Variants in EPHA6 observed in about 807,000 individuals in gnomAD.
The protein encoded by EPHA6 is ephrin type-A receptor 6.
In EPHA6, 50 loss-of-function variants were observed where a neutral mutation model predicts 112.0. The ratio of observed to expected loss-of-function variants is 0.45; its 90% CI spans 0.36 to 0.56. The LOEUF (loss-of-function observed/expected upper bound fraction) is 0.56. EPHA6 is among the 20% of genes least tolerant of loss of function. The probability of loss-of-function intolerance (pLI) is 0.00; values close to 1 mark genes in which losing one functional copy is unlikely to be tolerated. For synonymous variants in EPHA6, 529 were observed against 490.7 expected (o/e 1.08, Z -1.03); for missense variants, 1,280 against 1,417.4 (o/e 0.90, Z 1.56).
At chr3:96,916,120 A>C (rs2039471547) in intron 2 of EPHA6, among the ~76,000 whole-genome samples, 2 of 152,164 alleles carry the variant, frequency 1.3e-5, no homozygotes. Context: ...AAGATGGAGG[A>C]TAGACCAATC....
Position 97,761,528 on chromosome 3 carries a change from T to A in EPHA6, c.*12827T>A, listed in dbSNP as rs528604763. ...CAAATAAAAGTTACAGCTTTGGTGG[T>A]TGAATTTGTGACTTTTTTGTATTGT... On this transcript the variant is annotated 3_prime_UTR_variant, in exon 18 of 18. Transcript: ENST00000389672. 2.3e-5 allele frequency: 4 copies of A among 173,248 alleles called. No individual in the cohort carries two copies. The Admixed American group carries it at 2.5e-4, about 11-fold the overall frequency. The allele number at this position is 173,248 out of a possible 1,614,324, so 10.7% of individuals were successfully genotyped here. A position where few individuals can be genotyped will look rare whatever the true frequency, so the allele number is the denominator to read the frequency against.
chr3:97,532,233 T>G (rs542477116), intron 10 of EPHA6, 125 bp from the exon 11 acceptor site: 1 of 762,200 alleles, frequency 1.3e-6, no homozygotes, highest in East Asian at 2.8e-5. Context: ...AAAGAAATGT[T>G]TATATGAAAA....
chr3:97,051,134 G>T (rs554022634), intron 3 of EPHA6, among the ~76,000 whole-genome samples: 1 of 152,040 alleles, frequency 6.6e-6, no homozygotes, highest in Non-Finnish European at 1.5e-5. Context: ...ACATAATGGA[G>T]GCAATCTATG....
At chr3:97,547,324 G>A (rs1253040392) in intron 11 of EPHA6, among the ~76,000 whole-genome samples, 1 of 152,174 alleles carries the variant, frequency 6.6e-6, no homozygotes, top group East Asian at 1.9e-4. Flanking sequence ...GTTTGCTAGA[G>A]GTCCACTCCA....
intron 5 of EPHA6, among the ~76,000 whole-genome samples, chr3:97,363,815 T>C (rs1358654417): frequency 6.6e-6 from 1 of 152,070 alleles, no homozygotes; most frequent in African/African-American, 2.4e-5. Flanking sequence ...TTGAAAAATA[T>C]ACATCCTTAA....
chr3:97,221,308 C>CAAAAA (rs57025573), intron 3 of EPHA6, among the ~76,000 whole-genome samples: 5 of 16,400 alleles, frequency 3.0e-4, no homozygotes, highest in Non-Finnish European at 5.4e-4. Flanking sequence ...GACTCTGTCT[C>CAAAAA]AAAAAAAAAA....
In EPHA6 at chr3:97,098,947, CT is replaced by C. The variant is rs1386525869; in HGVS notation, c.1114+110957del. Among the ~76,000 whole-genome samples, 4 of 151,818 alleles carry C rather than the reference CT, an allele frequency of 2.6e-5. No homozygotes were observed. In the Admixed American group the frequency reaches 2.6e-4, roughly 10 times the overall value. ...TGATAAAATTAACATTAAGAAAACA[CT>C]TTCTATAAGAATTTATGAGATTCTA... On this transcript the variant is annotated intron_variant, in intron 3 of 17. Coordinates refer to ENST00000389672, the MANE Select transcript of EPHA6 (RefSeq NM_001080448.3).
chr3:97,352,156 A>G (rs577629753), intron 5 of EPHA6, among the ~76,000 whole-genome samples: 2 of 152,256 alleles, frequency 1.3e-5, no homozygotes, highest in South Asian at 2.1e-4. Flanking sequence ...ACAGAACAAA[A>G]GGATATTTTT....
At chr3:97,443,623 A>G (rs1013564712) in intron 6 of EPHA6, among the ~76,000 whole-genome samples, 2 of 152,128 alleles carry the variant, frequency 1.3e-5, no homozygotes, top group Non-Finnish European at 2.9e-5. Flanking sequence ...TGCCTATATG[A>G]CATAAAATTA....
intron 14 of EPHA6, among the ~76,000 whole-genome samples, chr3:97,659,959 G>A (rs2094159390): frequency 6.6e-6 from 1 of 151,958 alleles, no homozygotes. Flanking sequence ...TTAGCACCTA[G>A]TAGTATCATA....
At chr3:97,580,332 A>G (rs1463464460) in intron 11 of EPHA6, among the ~76,000 whole-genome samples, 1 of 152,208 alleles carries the variant, frequency 6.6e-6, no homozygotes, top group Non-Finnish European at 1.5e-5. Context: ...CATCCAAGCC[A>G]ATGTTTAAAA....
intron 10 of EPHA6, among the ~76,000 whole-genome samples, chr3:97,487,240 A>T (rs2091719488): frequency 1.3e-5 from 2 of 152,280 alleles, no homozygotes; most frequent in Non-Finnish European, 2.9e-5. Context: ...CAAGACATGC[A>T]TGCAAAGCAA....
chr3:97,468,660 A>T (rs1390427792), intron 7 of EPHA6, among the ~76,000 whole-genome samples: 3 of 151,752 alleles, frequency 2.0e-5, no homozygotes, highest in Admixed American at 6.6e-5. Context: ...GATTTACAAA[A>T]TACAAATATG....
At chr3:97,085,951 A>ATATATATATATATATATG (rs1434635976) in intron 3 of EPHA6, among the ~76,000 whole-genome samples, 18 of 145,884 alleles carry the variant, frequency 1.2e-4, no homozygotes, top group African/African-American at 4.4e-4. Context: ...ATATATATAC[A>ATATATATATATATATATG]CACTGAGATG....
rs537934932 is a variant in EPHA6, at chr3:97,672,522, T to C, written c.2784+34440T>C. Among the ~76,000 whole-genome samples, 43 of 152,154 alleles carry C rather than the reference T, an allele frequency of 2.8e-4. 2 individuals carry two copies. In the East Asian group the frequency reaches 8.1e-3, roughly 29 times the overall value. On this transcript the variant is annotated intron_variant, in intron 14 of 17. Transcript: ENST00000389672. The stretch of plus-strand genomic sequence containing the variant: ...GTGAAAAGGAGAATTGCACTATTAA[T>C]GAACAACAGTGAAGGTCATGTGGAG...
chr3:97,053,314 A>T (rs1169927243), intron 3 of EPHA6, among the ~76,000 whole-genome samples: 2 of 152,080 alleles, frequency 1.3e-5, no homozygotes, highest in East Asian at 3.9e-4. Flanking sequence ...CTAGAGAAGG[A>T]CTAGTAAGTT....
chr3:97,674,609 T>C (rs1237033253), intron 14 of EPHA6, among the ~76,000 whole-genome samples: 1 of 152,182 alleles, frequency 6.6e-6, no homozygotes, highest in African/African-American at 2.4e-5. Context: ...AATTACTGAG[T>C]TTGAATCAAG....
In EPHA6 at chr3:97,359,452, G is replaced by GTT. The variant is rs112074834; in HGVS notation, c.1607-45687_1607-45686dup. Among the ~76,000 whole-genome samples the GTT allele has an allele frequency of 7.5e-5, 10 of 132,492 alleles. No homozygotes were observed. The South Asian group carries it at 1.2e-3, about 16-fold the overall frequency. 86.9% of individuals were successfully genotyped at this position (132,492 alleles called of 152,430 possible). ...GATATTTCCATTTTGTTCATACATTGTTTTTTTTTTTTAATTCTCTATACT... is the reference window on the plus strand; with the variant it reads ...GATATTTCCATTTTGTTCATACATTGTTTTTTTTTTTTTTAATTCTCTATACT... On this transcript the variant is annotated intron_variant, in intron 5 of 17. Transcript: ENST00000389672.
chr3:97,607,164 TTCACAAATATTG>T (rs2093685795), intron 12 of EPHA6, among the ~76,000 whole-genome samples: 1 of 148,646 alleles, frequency 6.7e-6, no homozygotes, highest in Non-Finnish European at 1.5e-5. Flanking sequence ...TCCTCTTTTT[TTCACAAATATTG>T]TCTGAGGCAA....
Sources: allele counts gnomAD v4.1 joint callset (sites outside exome capture counted in the v4.1 genomes callset), GRCh38; gene constraint gnomAD v4.1.1; transcripts MANE v1.5; gene names NCBI Gene and HGNC (gene_info 2026-07-23, HGNC 2026-07-21).